The following IMMP2L variants were observed in gnomAD, a reference collection of about 807,000 sequenced individuals.
IMMP2L encodes the protein inner mitochondrial membrane peptidase subunit 2, also known as mitochondrial inner membrane protease subunit 2.
IMMP2L carries 18 observed loss-of-function variants against 19.3 expected under a neutral mutation model. That is an observed-to-expected ratio of 0.93 (90% CI 0.64 to 1.38). The LOEUF (loss-of-function observed/expected upper bound fraction) is 1.38. Among genes scored for constraint, IMMP2L ranks in the 40% most tolerant of loss-of-function variants. The pLI, the probability that IMMP2L is intolerant of heterozygous loss-of-function variation, is 0.00. For missense variants in IMMP2L, 233 were observed against 218.2 expected, an observed-to-expected ratio of 1.07 and a Z score of -0.43; for synonymous variants, 76 against 73.0, an observed-to-expected ratio of 1.04 and a Z score of -0.21.
chr7:111,000,475 G>T (rs374646326), intron 3 of IMMP2L, among the ~76,000 whole-genome samples: 1 of 152,098 alleles, frequency 6.6e-6, no homozygotes, highest in African/African-American at 2.4e-5. Flanking sequence ...TTTGGGTGAT[G>T]GGGGGACTTC....
chr7:110,846,443 G>A (rs1805683239), intron 5 of IMMP2L, among the ~76,000 whole-genome samples: 1 of 149,472 alleles, frequency 6.7e-6, no homozygotes, highest in Non-Finnish European at 1.5e-5. Flanking sequence ...TTGGCTCACT[G>A]CAAATTCCGC....
intron 3 of IMMP2L, among the ~76,000 whole-genome samples, chr7:111,387,775 AG>A (rs1479413683): frequency 6.6e-6 from 1 of 151,962 alleles, no homozygotes; most frequent in African/African-American, 2.4e-5. Flanking sequence ...CAGGAGATCA[AG>A]ATCACCCTGG....
At chr7:111,169,892 T>G (rs535524948) in intron 3 of IMMP2L, among the ~76,000 whole-genome samples, 1 of 152,046 alleles carries the variant, frequency 6.6e-6, no homozygotes, top group Non-Finnish European at 1.5e-5. Flanking sequence ...GTTCTCTTCT[T>G]TTATTGTCTC....
chr7:111,232,424 T>TCATA (rs151056987), intron 3 of IMMP2L, among the ~76,000 whole-genome samples: 10 of 149,976 alleles, frequency 6.7e-5, no homozygotes, highest in Non-Finnish European at 1.5e-4. Context: ...AACTCAGGAG[T>TCATA]CATAACCTGC....
intron 3 of IMMP2L, among the ~76,000 whole-genome samples, chr7:110,979,194 C>T (rs1215680537): frequency 6.6e-6 from 1 of 152,048 alleles, no homozygotes; most frequent in Non-Finnish European, 1.5e-5. Context: ...TGAATTTATA[C>T]AGTATATGCT....
intron 5 of IMMP2L, among the ~76,000 whole-genome samples, chr7:110,851,736 A>C (rs946541038): frequency 6.6e-6 from 1 of 152,140 alleles, no homozygotes; most frequent in Non-Finnish European, 1.5e-5. Flanking sequence ...TATCTGAAAA[A>C]TTCTTAGCTA....
At chr7:111,216,082 G>A (rs902833855) in intron 3 of IMMP2L, among the ~76,000 whole-genome samples, 2 of 151,936 alleles carry the variant, frequency 1.3e-5, no homozygotes, top group African/African-American at 4.8e-5. Context: ...TTCTCTCTTG[G>A]AAAATTCCAA....
At chr7:110,817,217 T>C (rs1288656054) in intron 5 of IMMP2L, among the ~76,000 whole-genome samples, 1 of 152,062 alleles carries the variant, frequency 6.6e-6, no homozygotes, top group Non-Finnish European at 1.5e-5. Flanking sequence ...AAAACCCCAT[T>C]GTCTCAGCCC....
At chr7:111,119,052 G>C (rs1800252319) in intron 3 of IMMP2L, among the ~76,000 whole-genome samples, 1 of 152,116 alleles carries the variant, frequency 6.6e-6, no homozygotes, top group African/African-American at 2.4e-5. Context: ...CCCCCAGAAA[G>C]AATGCCTCAT....
chr7:111,110,898 CT>C (rs1445456030), intron 3 of IMMP2L, among the ~76,000 whole-genome samples: 1 of 152,112 alleles, frequency 6.6e-6, no homozygotes. Context: ...GGGAAAATTT[CT>C]TCTCCTAACT....
At chr7:110,809,431 A>G (rs183055944) in intron 5 of IMMP2L, among the ~76,000 whole-genome samples, 1 of 152,080 alleles carries the variant, frequency 6.6e-6, no homozygotes, top group East Asian at 1.9e-4. Flanking sequence ...TAAGATTATG[A>G]AAAAGATTAT....
chr7:111,066,059 A>C (rs893275312), intron 3 of IMMP2L, among the ~76,000 whole-genome samples: 9 of 148,320 alleles, frequency 6.1e-5, no homozygotes, highest in Middle Eastern at 3.2e-3. Context: ...ACTCACTGCA[A>C]CCTCCGCCTC....
intron 5 of IMMP2L, among the ~76,000 whole-genome samples, chr7:110,827,115 A>C (rs1803572059): frequency 6.6e-6 from 1 of 152,058 alleles, no homozygotes; most frequent in Non-Finnish European, 1.5e-5. Context: ...AATAGTTTTG[A>C]CCTCAAATAC....
At chr7:110,705,524 A>G (rs1472316318) in intron 5 of IMMP2L, among the ~76,000 whole-genome samples, 3 of 152,138 alleles carry the variant, frequency 2.0e-5, no homozygotes, top group African/African-American at 7.2e-5. Context: ...AGCAGGTCAA[A>G]ATATTTCATC....
intron 3 of IMMP2L, among the ~76,000 whole-genome samples, chr7:111,089,361 C>CAT (rs1328289144): frequency 6.6e-6 from 1 of 151,876 alleles, no homozygotes; most frequent in Non-Finnish European, 1.5e-5. Context: ...CAGTCAATAC[C>CAT]AATCAATGAA....
chr7:110,674,414 T>C (rs1792143268), intron 5 of IMMP2L, among the ~76,000 whole-genome samples: 1 of 152,216 alleles, frequency 6.6e-6, no homozygotes, highest in South Asian at 2.1e-4. Context: ...GGTCAGAAGA[T>C]GATCAATGTC....
chr7:110,672,220 A>G (rs1791970434), intron 5 of IMMP2L, among the ~76,000 whole-genome samples: 1 of 152,074 alleles, frequency 6.6e-6, no homozygotes, highest in Non-Finnish European at 1.5e-5. Context: ...GGCAGCAAGC[A>G]GAAGTGCTGA....
intron 4 of IMMP2L, among the ~76,000 whole-genome samples, chr7:110,893,783 T>C (rs1179890170): frequency 1.3e-5 from 2 of 152,170 alleles, no homozygotes; most frequent in Non-Finnish European, 2.9e-5. Context: ...ATAAATGAAA[T>C]GGTTGGCTCA....
At chr7:111,127,922 A>T (rs948876391) in intron 3 of IMMP2L, among the ~76,000 whole-genome samples, 6 of 152,188 alleles carry the variant, frequency 3.9e-5, no homozygotes, top group African/African-American at 1.4e-4. Flanking sequence ...ATATAAAAAC[A>T]GTGCAAAACA....
Sources: allele counts gnomAD v4.1 joint callset (sites outside exome capture counted in the v4.1 genomes callset), GRCh38; gene constraint gnomAD v4.1.1; transcripts MANE v1.5; gene names NCBI Gene and HGNC (gene_info 2026-07-23, HGNC 2026-07-21).